GID4: variants seen among roughly 807,000 people sequenced by gnomAD.
GID4 encodes the protein GID complex subunit 4 homolog.
In GID4, 7 loss-of-function variants were observed where a neutral mutation model predicts 32.4. That is an observed-to-expected ratio of 0.22 (90% confidence interval 0.12 to 0.41). The LOEUF is 0.41. Ranked by LOEUF, GID4 falls within the 10% of genes least tolerant of loss-of-function variation. GID4 has a pLI of 1.00. For synonymous variants in GID4, 166 were observed against 170.0 expected, an observed-to-expected ratio of 0.98 and a Z score of 0.18; for missense variants, 309 against 400.0, an observed-to-expected ratio of 0.77 and a Z score of 1.94.
At position 18,067,932 on chromosome 17, in the gene GID4, A is replaced by G. The variant is rs1229972894; in HGVS notation, c.*2689A>G. 2 of 152,572 alleles carry G rather than the reference A, an allele frequency of 1.3e-5. No individual in the cohort carries two copies. The highest frequency in any genetic ancestry group is 2.9e-5 in the Non-Finnish European group (2 of 68,044). The allele number at this position is 152,572 out of a possible 1,614,324, so 9.5% of individuals were successfully genotyped here. ...CCACCCACCCTTTTCAAGTTTAGAT[A>G]GTGTTTCAGCTGCTGTCCCAAAGTA... On this transcript the variant is annotated 3_prime_UTR_variant, in exon 6 of 6. Coordinates refer to ENST00000268719, the MANE Select transcript of GID4 (RefSeq NM_024052.5).
In GID4 at chr17:18,068,201, AGTT is replaced by A. The variant is rs1032001655; in HGVS notation, c.*2961_*2963del. The A allele has an allele frequency of 6.6e-6, 1 of 152,622 alleles. No individual in the cohort carries two copies. The highest frequency in any genetic ancestry group is 2.4e-5 in the African/African-American group (1 of 41,444). The allele number at this position is 152,622 out of a possible 1,614,324, so 9.5% of individuals were successfully genotyped here. A position where few individuals can be genotyped will look rare whatever the true frequency, so the allele number is the denominator to read the frequency against. ...GTATCGTGGTTTAAAATTACTAACAAGTTGTGGGAAAGAAAAATAATATTTGAT... is the reference window on the plus strand; with the variant it reads ...GTATCGTGGTTTAAAATTACTAACAAGTGGGAAAGAAAAATAATATTTGAT... On this transcript the variant is annotated 3_prime_UTR_variant, in exon 6 of 6. Transcript: ENST00000268719.
intron 2 of GID4, among the ~76,000 whole-genome samples, chr17:18,048,286 C>T (rs2044875236): frequency 6.6e-6 from 1 of 151,936 alleles, no homozygotes; most frequent in South Asian, 2.1e-4. Context: ...ACCTCTGCCT[C>T]CCAAGTTCAA....
rs1567590834 is a variant in GID4 at position 18,067,006 on chromosome 17, A to G, written c.*1763A>G. On this transcript the variant is annotated 3_prime_UTR_variant, in exon 6 of 6. Transcript: ENST00000268719. ...TAATTCATTCCCAGAGATGAGTCAG[A>G]ACAGTCTCCTCAATCCTGAAATTCA... 1 of 152,248 alleles carries G rather than the reference A, an allele frequency of 6.6e-6. No homozygotes were observed. Among genetic ancestry groups the G allele is most frequent in the African/African-American group, 2.4e-5 (1 of 41,448 alleles). 9.4% of individuals were successfully genotyped at this position (152,248 alleles called of 1,614,324 possible). A position where few individuals can be genotyped will look rare whatever the true frequency, so the allele number is the denominator to read the frequency against.
chr17:18,061,088 G>T lies in GID4; in HGVS notation c.709-757G>T, dbSNP rs1208261427. Among the ~76,000 whole-genome samples, 1 of 152,166 alleles carries T rather than the reference G, an allele frequency of 6.6e-6. No homozygotes were observed. Among genetic ancestry groups the T allele is most frequent in the African/African-American group, 2.4e-5 (1 of 41,444 alleles). ...CAATTTTAGAAGTTGAATAAGGAAT[G>T]GGAGGGTGTCTTAAATTTGTTTAAA... is the stretch of plus-strand genomic sequence containing the variant. On this transcript the variant is annotated intron_variant, in intron 4 of 5. Coordinates refer to ENST00000268719, the MANE Select transcript of GID4 (RefSeq NM_024052.5). This position sits in a 1 kb window ranked among gnomAD's most constrained non-coding sequence, Gnocchi z 4.4.
intron 2 of GID4, among the ~76,000 whole-genome samples, chr17:18,052,812 G>A (rs1032840364): frequency 1.3e-4 from 20 of 152,020 alleles, no homozygotes; most frequent in Non-Finnish European, 1.5e-5. Context: ...ATTCAGACAT[G>A]ATTTACATAT....
intron 1 of GID4, among the ~76,000 whole-genome samples, chr17:18,042,254 C>G (rs2044810278): frequency 1.3e-5 from 2 of 152,326 alleles, no homozygotes; most frequent in African/African-American, 4.8e-5. Flanking sequence ...ACCACCACCA[C>G]AACCTAATTT....
At chr17:18,045,242 T>A in intron 2 of GID4, 36 bp downstream of exon 2, 1 of 1,565,102 alleles carries the variant, frequency 6.4e-7, no homozygotes, top group Non-Finnish European at 8.8e-7. Flanking sequence ...CACTAGAAAG[T>A]CTGTGGTGTG....
At chr17:18,059,149 C>T (rs1245199882) in intron 4 of GID4, among the ~76,000 whole-genome samples, 180 bp downstream of exon 4, 3 of 152,180 alleles carry the variant, frequency 2.0e-5, no homozygotes, top group Admixed American at 6.5e-5. Context: ...CTCCAGGGCA[C>T]GCACTGGTTA....
intron 3 of GID4, 134 bp downstream of exon 3, chr17:18,054,368 A>T (rs1567587218): frequency 1.8e-6 from 1 of 550,958 alleles, no homozygotes; most frequent in Non-Finnish European, 3.2e-6. Flanking sequence ...CACTGCACAC[A>T]GACCTCAGTT....
At position 18,054,193 on chromosome 17, in the gene GID4, C is replaced by T; in HGVS notation, c.565C>T (p.Arg189Cys). 6.2e-7 allele frequency: 1 copy of T among 1,612,936 alleles called. No homozygotes were observed. The highest frequency in any genetic ancestry group is 2.2e-5 in the East Asian group (1 of 44,868). ...IISKKHPFLT[R>C]KWDADEDVDR... ...CAGCAAAAAACACCCTTTCTTAACTCGCAAGTGGGATGCAGATGAAGATGT... is the reference window on the plus strand; with the variant it reads ...CAGCAAAAAACACCCTTTCTTAACTTGCAAGTGGGATGCAGATGAAGATGT... The change falls in exon 3 of 6, where the codon CGC becomes TGC. Residue 189 changes from arginine (R) to cysteine (C), a missense_variant. Physicochemically the swap from Arg to Cys is radical, Grantham distance 180. This residue lies in a region of GID4 where 116 missense variants were observed against 214.2 expected (regional missense o/e 0.54). Coordinates refer to ENST00000268719, the MANE Select transcript of GID4 (RefSeq NM_024052.5).
At chr17:18,042,405 TC>T (rs1228211065) in intron 1 of GID4, among the ~76,000 whole-genome samples, 8 of 152,256 alleles carry the variant, frequency 5.3e-5, no homozygotes, top group African/African-American at 1.9e-4. Context: ...ATAGTATTTG[TC>T]CTTTTGAGAT....
At chr17:18,055,560 C>T (rs549271917) in intron 3 of GID4, among the ~76,000 whole-genome samples, 1 of 152,226 alleles carries the variant, frequency 6.6e-6, no homozygotes, top group South Asian at 2.1e-4. Context: ...ATGATTATAG[C>T]TCACTATAGC....
chr17:18,066,489 ATGTTT>A lies in GID4; in HGVS notation c.*1253_*1257del, dbSNP rs1211385775. 7.3e-6 allele frequency: 1 copy of A among 136,180 alleles called. No individual in the cohort carries two copies. The highest frequency in any genetic ancestry group is 1.6e-5 in the Non-Finnish European group (1 of 61,232). 8.4% of individuals were successfully genotyped at this position (136,180 alleles called of 1,614,324 possible). Reference sequence around the variant, plus strand: ...GTGTGTGTGTGTGTGTGTGTGTATGATGTTTTGTTTTTTTAAATGTTTTAAAAGCT... The same window carrying A: ...GTGTGTGTGTGTGTGTGTGTGTATGATGTTTTTTTAAATGTTTTAAAAGCT... On this transcript the variant is annotated 3_prime_UTR_variant, in exon 6 of 6. Coordinates refer to ENST00000268719, the MANE Select transcript of GID4 (RefSeq NM_024052.5).
intron 2 of GID4, among the ~76,000 whole-genome samples, chr17:18,053,925 C>G (rs1303842725): frequency 1.3e-5 from 2 of 152,080 alleles, no homozygotes; most frequent in African/African-American, 2.4e-5. Flanking sequence ...TCCAGGAAAC[C>G]CTTCATTCTC....
At chr17:18,057,314 C>G (rs542990172) in intron 3 of GID4, 15 of 309,714 alleles carry the variant, frequency 4.8e-5, no homozygotes, top group Non-Finnish European at 8.6e-5. Flanking sequence ...CACCTGTAAT[C>G]CCAGCTATTC....
At chr17:18,062,130 G>A (rs985776985) in intron 5 of GID4, 155 bp downstream of exon 5, 4 of 695,450 alleles carry the variant, frequency 5.8e-6, no homozygotes, top group African/African-American at 5.3e-5. Context: ...GATCTCAGTT[G>A]CTCACAATAA....
In GID4 at chr17:18,065,268, T is replaced by C. The variant is rs202212854; in HGVS notation, c.*25T>C. 4.5e-4 allele frequency: 715 copies of C among 1,593,562 alleles called. 10 individuals carry two copies. In the South Asian group the frequency reaches 7.2e-3, roughly 16 times the overall value. ...ACAACGGTTCAGAACAGCAACCAAA[T>C]AAAACTGAACTTGGCAAAAAAGAAC... is the stretch of plus-strand genomic sequence containing the variant. On this transcript the variant is annotated 3_prime_UTR_variant, in exon 6 of 6. Transcript: ENST00000268719.
chr17:18,058,483 C>T (rs2044990410), intron 3 of GID4, among the ~76,000 whole-genome samples: 2 of 152,226 alleles, frequency 1.3e-5, no homozygotes, highest in Non-Finnish European at 2.9e-5. Flanking sequence ...CAGGCTGTTT[C>T]TAAGCTGTTT....
At position 18,054,195 on chromosome 17, in the gene GID4, C is replaced by G; in HGVS notation, c.567C>G (p.Arg189=). 1 of 1,612,830 alleles carries G rather than the reference C, an allele frequency of 6.2e-7. No individual in the cohort carries two copies. Among genetic ancestry groups the G allele is most frequent in the Non-Finnish European group, 8.5e-7 (1 of 1,179,028 alleles). ...IISKKHPFLT[R]KWDADEDVDR... The stretch of plus-strand genomic sequence containing the variant: ...GCAAAAAACACCCTTTCTTAACTCG[C>G]AAGTGGGATGCAGATGAAGATGTTG... Residue 189 remains arginine, a synonymous_variant, in exon 3 of 6, where the codon CGC becomes CGG. Coordinates refer to ENST00000268719, the MANE Select transcript of GID4 (RefSeq NM_024052.5).
Sources: allele counts gnomAD v4.1 joint callset (sites outside exome capture counted in the v4.1 genomes callset), GRCh38; gene constraint gnomAD v4.1.1; regional missense constraint gnomAD v4.1.1; non-coding constraint Gnocchi (gnomAD v3.1); transcripts MANE v1.5; gene names NCBI Gene and HGNC (gene_info 2026-07-23, HGNC 2026-07-21).